Variants in STAG1 observed in about 807,000 individuals in gnomAD.
The protein encoded by STAG1 is STAG1 cohesin complex component.
Under a neutral mutation model 170.9 loss-of-function variants are expected in STAG1, and 26 were observed. That is an observed-to-expected ratio of 0.15 (90% CI 0.11 to 0.21). The LOEUF (loss-of-function observed/expected upper bound fraction) is 0.21. STAG1 is among the 10% of genes least tolerant of loss of function. STAG1 has a pLI of 1.00. For synonymous variants in STAG1, 514 were observed against 497.7 expected (o/e 1.03, Z -0.44); for missense variants, 964 against 1,509.5 (o/e 0.64, Z 5.99).
intron 13 of STAG1, among the ~76,000 whole-genome samples, chr3:136,458,156 T>C (rs1277588804): frequency 6.6e-6 from 1 of 152,050 alleles, no homozygotes; most frequent in Non-Finnish European, 1.5e-5. Flanking sequence ...CTGTTTTGTT[T>C]GTTTGTTTGT....
chr3:136,409,799 T>C (rs951369102), intron 21 of STAG1, among the ~76,000 whole-genome samples: 2 of 152,132 alleles, frequency 1.3e-5, no homozygotes, highest in Non-Finnish European at 2.9e-5. Context: ...TAAATTCAGC[T>C]GGGTGTTGTG....
chr3:136,498,231 T>TACACACAC lies in STAG1; in HGVS notation c.902+1991_902+1992insGTGTGTGT, dbSNP rs1389555862. Among the ~76,000 whole-genome samples, 56 of 57,848 alleles carry TACACACAC rather than the reference T, an allele frequency of 9.7e-4. 8 individuals are homozygous for TACACACAC. The highest frequency in any genetic ancestry group is 4.9e-3 in the African/African-American group (52 of 10,702). The allele number at this position is 57,848 out of a possible 152,430, so 38.0% of individuals were successfully genotyped here. A position where few individuals can be genotyped will look rare whatever the true frequency, so the allele number is the denominator to read the frequency against. On this transcript the variant is annotated intron_variant, in intron 9 of 33. Coordinates refer to ENST00000383202, the MANE Select transcript of STAG1 (RefSeq NM_005862.3). ...AAAATTATATATATATATATATATA[T>TACACACAC]ATACACATACATATACATACACACA...
chr3:136,459,633 T>C (rs577756211), intron 13 of STAG1, among the ~76,000 whole-genome samples: 11 of 152,328 alleles, frequency 7.2e-5, no homozygotes, highest in African/African-American at 2.2e-4. Context: ...AAGAAGTCAA[T>C]AGATTTTAAA....
At chr3:136,699,102 T>C (rs1014782517) in intron 1 of STAG1, among the ~76,000 whole-genome samples, 1 of 152,124 alleles carries the variant, frequency 6.6e-6, no homozygotes, top group Non-Finnish European at 1.5e-5. Context: ...GTTAAAAGCC[T>C]ACATATTGGG....
chr3:136,371,498 G>T (rs1433795760), intron 23 of STAG1, among the ~76,000 whole-genome samples: 17 of 152,126 alleles, frequency 1.1e-4, no homozygotes, highest in African/African-American at 2.7e-4. Context: ...GGTCTGACAT[G>T]TAAGTCTTTA....
intron 1 of STAG1, among the ~76,000 whole-genome samples, chr3:136,666,388 T>C (rs1941776104): frequency 1.3e-5 from 2 of 152,172 alleles, no homozygotes; most frequent in Admixed American, 6.5e-5. Context: ...AATGGATGTT[T>C]TAAGCTTCTA....
intron 21 of STAG1, chr3:136,417,609 T>C (rs908655952): frequency 2.8e-5 from 8 of 287,372 alleles, no homozygotes; most frequent in Non-Finnish European, 5.2e-5. Flanking sequence ...ATTGCTGCCA[T>C]AGATATTAAT....
intron 32 of STAG1, 21 bp from the exon 33 acceptor site, chr3:136,338,471 C>CTTAA (rs1553787035): frequency 2.5e-6 from 4 of 1,597,958 alleles, no homozygotes; most frequent in East Asian, 2.2e-5. Flanking sequence ...AAATCGGTTT[C>CTTAA]TTAATTTTTT....
intron 1 of STAG1, among the ~76,000 whole-genome samples, chr3:136,749,121 A>T (rs1935098304): frequency 2.6e-5 from 4 of 152,226 alleles, no homozygotes; most frequent in Admixed American, 2.6e-4. Context: ...ACCTGTAGAT[A>T]TAACGGGATA....
intron 28 of STAG1, among the ~76,000 whole-genome samples, chr3:136,352,511 A>G (rs1936472403): frequency 6.6e-6 from 1 of 152,278 alleles, no homozygotes; most frequent in South Asian, 2.1e-4. Context: ...AAACAGGAAA[A>G]TGTGATGGAT....
At chr3:136,386,875 C>T (rs139323102) in intron 22 of STAG1, among the ~76,000 whole-genome samples, 1 of 152,182 alleles carries the variant, frequency 6.6e-6, no homozygotes, top group East Asian at 1.9e-4. Flanking sequence ...AATTAGTAAA[C>T]ACATAAAACT....
At chr3:136,729,029 G>A (rs551878009) in intron 1 of STAG1, among the ~76,000 whole-genome samples, 1 of 152,258 alleles carries the variant, frequency 6.6e-6, no homozygotes, top group Non-Finnish European at 1.5e-5. Context: ...TTGCCCAGGC[G>A]AGAGTGAAAG....
At chr3:136,651,180 C>T (rs779232841) in intron 1 of STAG1, among the ~76,000 whole-genome samples, 33 of 152,070 alleles carry the variant, frequency 2.2e-4, no homozygotes, top group Non-Finnish European at 4.0e-4. Context: ...GCATGGGCAA[C>T]GCAGTGAGCT....
intron 12 of STAG1, among the ~76,000 whole-genome samples, chr3:136,466,864 A>C (rs1576496759): frequency 1.3e-5 from 2 of 152,246 alleles, no homozygotes; most frequent in African/African-American, 4.8e-5. Context: ...TTCTTCAAGA[A>C]AAGAATTTTC....
chr3:136,678,004 C>T (rs2107883291), intron 1 of STAG1, among the ~76,000 whole-genome samples: 1 of 147,996 alleles, frequency 6.8e-6, no homozygotes. Context: ...CTATATATGA[C>T]TTCTGAAGAA....
intron 4 of STAG1, among the ~76,000 whole-genome samples, chr3:136,600,812 C>T (rs1045263801): frequency 2.6e-5 from 4 of 152,098 alleles, no homozygotes; most frequent in African/African-American, 7.2e-5. Context: ...GGATTACAGG[C>T]GTGAGCAACC....
intron 9 of STAG1, among the ~76,000 whole-genome samples, chr3:136,494,696 C>T (rs1932980306): frequency 6.6e-6 from 1 of 151,988 alleles, no homozygotes. Flanking sequence ...CCACCTCATT[C>T]AAAACAGAAA....
At chr3:136,546,368 G>A (rs749021700) in intron 5 of STAG1, among the ~76,000 whole-genome samples, 4 of 151,994 alleles carry the variant, frequency 2.6e-5, no homozygotes, top group African/African-American at 4.8e-5. Context: ...TAAAACATAC[G>A]AAAATTCATG....
intron 5 of STAG1, among the ~76,000 whole-genome samples, chr3:136,559,065 C>T (rs912008090): frequency 6.6e-6 from 1 of 152,040 alleles, no homozygotes; most frequent in Non-Finnish European, 1.5e-5. Context: ...TATATTCAGT[C>T]TTTTGTATAT....
Sources: gnomAD v4.1 joint callset for allele counts (sites outside exome capture counted in the v4.1 genomes callset) on GRCh38, gnomAD v4.1.1 for gene constraint, MANE v1.5 for transcripts, NCBI Gene and HGNC (gene_info 2026-07-23, HGNC 2026-07-21) for gene names.